PLEKHG1: variants seen among roughly 807,000 people sequenced by gnomAD.
PLEKHG1 encodes the protein pleckstrin homology domain-containing family G member 1.
In PLEKHG1, 44 loss-of-function variants were observed where a neutral mutation model predicts 100.8. The ratio of observed to expected loss-of-function variants is 0.44; its 90% CI spans 0.34 to 0.56. PLEKHG1 has a LOEUF of 0.56. Among genes scored for constraint, PLEKHG1 ranks in the 20% least tolerant of loss-of-function variants. The pLI is 0.01. For synonymous variants in PLEKHG1, 640 were observed against 662.5 expected (o/e 0.97, Z 0.52); for missense variants, 1,545 against 1,720.9 (o/e 0.90, Z 1.81).
chr6:150,811,085 CA>C (rs1562540916), intron 10 of PLEKHG1, among the ~76,000 whole-genome samples: 1 of 152,024 alleles, frequency 6.6e-6, no homozygotes, highest in Non-Finnish European at 1.5e-5. Flanking sequence ...GCTCGGGAGA[CA>C]AGATACAGAT....
chr6:150,701,435 AT>A lies in PLEKHG1; in HGVS notation c.-98-32148del, dbSNP rs1184296216. On this transcript the variant is annotated intron_variant, in intron 3 of 3. Coordinates refer to the PLEKHG1 transcript ENST00000367326. ...TAATTCTTTATATATATATATATATATATATATATATATATATATATATATA... is the reference window on the plus strand; with the variant it reads ...TAATTCTTTATATATATATATATATAATATATATATATATATATATATATA... Among the ~76,000 whole-genome samples the A allele has an allele frequency of 8.2e-3, 463 of 56,670 alleles. 23 individuals carry two copies. The highest frequency in any genetic ancestry group is 0.072 in the African/African-American group (441 of 6,158). 37.2% of individuals were successfully genotyped at this position (56,670 alleles called of 152,430 possible).
intron 3 of PLEKHG1, among the ~76,000 whole-genome samples, chr6:150,784,005 C>T (rs111855264): frequency 6.6e-6 from 1 of 152,146 alleles, no homozygotes; most frequent in Non-Finnish European, 1.5e-5. Context: ...TGATATCACA[C>T]GTCATGTAGC....
intron 3 of PLEKHG1, among the ~76,000 whole-genome samples, chr6:150,690,426 A>G (rs1780311921): frequency 1.3e-5 from 2 of 152,176 alleles, no homozygotes; most frequent in Non-Finnish European, 2.9e-5. Context: ...TACTACTTCA[A>G]GAAGGCTTTT....
intron 3 of PLEKHG1, among the ~76,000 whole-genome samples, chr6:150,693,174 G>C (rs1780408823): frequency 9.2e-5 from 14 of 152,144 alleles, no homozygotes; most frequent in Admixed American, 9.2e-4. Flanking sequence ...TGTAGTCCCA[G>C]CTACTCGGGA....
At chr6:150,778,025 T>G (rs1353316587) in intron 3 of PLEKHG1, among the ~76,000 whole-genome samples, 1 of 152,260 alleles carries the variant, frequency 6.6e-6, no homozygotes, top group Non-Finnish European at 1.5e-5. Flanking sequence ...GATGTCTTCC[T>G]CTATCCCACC....
At chr6:150,771,250 T>C (rs1314731049) in intron 3 of PLEKHG1, among the ~76,000 whole-genome samples, 6 of 151,990 alleles carry the variant, frequency 3.9e-5, no homozygotes, top group African/African-American at 1.4e-4. Flanking sequence ...CTATCTCTAC[T>C]AAAAAATACA....
chr6:150,831,477 G>A lies in PLEKHG1; in HGVS notation c.2366G>A (p.Ser789Asn). ...CTGAGGCCATTTGTTTCCCAAGACA[G>A]CCTCCAGCTCAGTGAGGACGAAGCC... The change falls in exon 15 of 16, where the codon AGC becomes AAC. Residue 789 changes from serine (S) to asparagine (N), a missense_variant. Coordinates refer to ENST00000358517, the Ensembl canonical transcript of PLEKHG1. This position sits in a 1 kb window ranked among gnomAD's most constrained non-coding sequence, Gnocchi z 4.1. 1.2e-6 allele frequency: 2 copies of A among 1,614,142 alleles called. No homozygotes were observed. The highest frequency in any genetic ancestry group is 1.7e-5 in the Admixed American group (1 of 60,008).
chr6:150,691,663 C>T (rs987600454), intron 3 of PLEKHG1, among the ~76,000 whole-genome samples: 3 of 152,140 alleles, frequency 2.0e-5, no homozygotes, highest in African/African-American at 7.2e-5. Flanking sequence ...CCACCATTTC[C>T]GTCATTATGT....
intron 2 of PLEKHG1, among the ~76,000 whole-genome samples, chr6:150,748,598 CA>C (rs1397171568): frequency 6.7e-6 from 1 of 148,474 alleles, no homozygotes; most frequent in East Asian, 2.0e-4. Context: ...TCCTGGCTCT[CA>C]CTTACTACCT....
intron 10 of PLEKHG1, among the ~76,000 whole-genome samples, chr6:150,815,320 C>A (rs895809380): frequency 1.2e-4 from 18 of 152,090 alleles, no homozygotes; most frequent in Non-Finnish European, 2.2e-4. Flanking sequence ...TTGGCTGACA[C>A]CTAGTGGAAA....
At chr6:150,764,652 C>G (rs1020744065) in intron 2 of PLEKHG1, among the ~76,000 whole-genome samples, 3 of 152,162 alleles carry the variant, frequency 2.0e-5, no homozygotes, top group Non-Finnish European at 1.5e-5. Flanking sequence ...TTTTCAACTC[C>G]TTTTAGTGTC....
intron 3 of PLEKHG1, among the ~76,000 whole-genome samples, chr6:150,682,579 A>T (rs1002117636): frequency 6.6e-6 from 1 of 152,068 alleles, no homozygotes; most frequent in Admixed American, 6.5e-5. Context: ...ATTGCTGATA[A>T]GCTGACATCG....
chr6:150,674,647 CT>C (rs1359819541), intron 3 of PLEKHG1, among the ~76,000 whole-genome samples: 38 of 128,998 alleles, frequency 2.9e-4, no homozygotes, highest in Non-Finnish European at 4.4e-4. Flanking sequence ...CTCTCTCTCT[CT>C]CTCTCTCTCT....
chr6:150,828,243 G>A, intron 14 of PLEKHG1: 1 of 1,613,756 alleles, frequency 6.2e-7, no homozygotes. Context: ...CAAGAGATGA[G>A]TTGGAATGGA....
intron 2 of PLEKHG1, among the ~76,000 whole-genome samples, chr6:150,745,859 A>G (rs148034237): frequency 6.6e-6 from 1 of 152,322 alleles, no homozygotes; most frequent in Non-Finnish European, 1.5e-5. Context: ...TTCACCTTGA[A>G]AAAGATTTGA....
chr6:150,606,904 A>G (rs1776624015), intron 1 of PLEKHG1, among the ~76,000 whole-genome samples: 1 of 151,868 alleles, frequency 6.6e-6, no homozygotes, highest in Admixed American at 6.6e-5. Flanking sequence ...ACCCTCTCCC[A>G]ACTCTGCTAG....
At chr6:150,723,393 T>C (rs1421256198) in intron 1 of PLEKHG1, among the ~76,000 whole-genome samples, 1 of 152,222 alleles carries the variant, frequency 6.6e-6, no homozygotes, top group Admixed American at 6.5e-5. Flanking sequence ...ACACACTGTG[T>C]AGTCCCTTTT....
intron 3 of PLEKHG1, among the ~76,000 whole-genome samples, chr6:150,694,536 C>T (rs1009635338): frequency 1.8e-4 from 28 of 151,896 alleles, no homozygotes; most frequent in Non-Finnish European, 3.5e-4. Context: ...CCCGTCTCTA[C>T]TAAAAATACA....
chr6:150,646,334 T>C, intron 2 of PLEKHG1, among the ~76,000 whole-genome samples: 1 of 150,954 alleles, frequency 6.6e-6, no homozygotes, highest in South Asian at 2.1e-4. Flanking sequence ...CTGATTGGTC[T>C]GGTGTGGGCC....
Sources: allele counts gnomAD v4.1 joint callset (sites outside exome capture counted in the v4.1 genomes callset), GRCh38; gene constraint gnomAD v4.1.1; non-coding constraint Gnocchi (gnomAD v3.1); transcripts MANE v1.5; gene names NCBI Gene and HGNC (gene_info 2026-07-23, HGNC 2026-07-21).